Variants in AHRR observed in about 807,000 individuals in gnomAD.
AHRR encodes ahR repressor.
AHRR carries 28 observed loss-of-function variants against 44.0 expected under a neutral mutation model. The observed-to-expected ratio is 0.64, with a 90% CI of 0.47 to 0.87. The LOEUF is 0.87. Among genes scored for constraint, AHRR ranks in the 40% least tolerant of loss-of-function variants. AHRR has a pLI of 0.00. For missense variants in AHRR, 990 were observed against 953.9 expected, an observed-to-expected ratio of 1.04 and a Z score of -0.50; for synonymous variants, 434 against 407.0, an observed-to-expected ratio of 1.07 and a Z score of -0.80.
Position 404,375 on chromosome 5 carries a change from A to C in AHRR, c.352-8969A>C. The C allele has an allele frequency of 1.9e-6, 1 of 515,638 alleles. No individual in the cohort carries two copies. 31.9% of individuals were successfully genotyped at this position (515,638 alleles called of 1,614,324 possible). ...TTTTTCCTTCATTCTGGGTGTCTTC[A>C]GTGGTCCTAAAGCCTTTTGCATGAT... On this transcript the variant is annotated intron_variant, in intron 4 of 10. Coordinates refer to ENST00000684583, the MANE Select transcript of AHRR (RefSeq NM_001377236.1). This position sits in a 1 kb window ranked among gnomAD's most constrained non-coding sequence, Gnocchi z 4.1.
At chr5:427,420 A>T (rs1418799353) in intron 7 of AHRR, among the ~76,000 whole-genome samples, 2 of 103,364 alleles carry the variant, frequency 1.9e-5, no homozygotes, top group African/African-American at 8.0e-5. Context: ...GAGATCATCC[A>T]CTCCTGCGAA....
chr5:427,982 A>G lies in AHRR; in HGVS notation c.884A>G (p.Asp295Gly). ...CTCCTGAGGGCAAAACCCAGAGCAG[A>G]CACCGCAGCCACCGCGGATGCAAAG... ...SALLRAKPRA[D>G]TAATADAKVK... The change falls in exon 8 of 11, where the codon GAC (aspartate) becomes GGC (glycine). Residue 295 changes from aspartate to glycine, a missense_variant. Physicochemically the swap from Asp to Gly is moderately conservative, Grantham distance 94 (BLOSUM62 -1). Transcript: ENST00000684583. 1 of 1,613,966 alleles carries G rather than the reference A, an allele frequency of 6.2e-7. No homozygotes were observed. The highest frequency in any genetic ancestry group is 8.5e-7 in the Non-Finnish European group (1 of 1,180,028).
At position 388,317 on chromosome 5, in the gene AHRR, C is replaced by T. The variant is rs762461083; in HGVS notation, c.351+11601C>T. On this transcript the variant is annotated intron_variant, in intron 4 of 10. Coordinates refer to ENST00000684583, the MANE Select transcript of AHRR (RefSeq NM_001377236.1). This position sits in a 1 kb window ranked among gnomAD's most constrained non-coding sequence, Gnocchi z 5.2. ...CTGCTGTCGTACACAGGGCTCAGTG[C>T]GACTGCGCCTGGGGCTGCCCCAAGA... Among the ~76,000 whole-genome samples the T allele has an allele frequency of 1.3e-5, 2 of 152,228 alleles. No individual in the cohort carries two copies. Among genetic ancestry groups the T allele is most frequent in the African/African-American group, 4.8e-5 (2 of 41,460 alleles).
chr5:431,260 G>A (rs1156429146), intron 8 of AHRR, among the ~76,000 whole-genome samples: 2 of 152,226 alleles, frequency 1.3e-5, no homozygotes, highest in African/African-American at 2.4e-5. Context: ...CTCCTCCTGC[G>A]GCCTGGACGA....
Position 434,053 on chromosome 5 carries a change from C to T in AHRR, c.1313C>T (p.Pro438Leu), listed in dbSNP as rs1412228633. ...PMPRGSCLPCPCVQGTFRNSP... is the reference protein window; with the variant it reads ...PMPRGSCLPCLCVQGTFRNSP... The stretch of plus-strand genomic sequence containing the variant: ...CCCCGCGGCTCCTGCCTGCCCTGCC[C>T]GTGTGTCCAGGGCACTTTCAGGAAC... Residue 438 changes from proline (P) to leucine (L), a missense_variant, in exon 11 of 11, where the codon CCG (proline) becomes CTG (leucine). Coordinates refer to ENST00000684583, the MANE Select transcript of AHRR (RefSeq NM_001377236.1). The T allele has an allele frequency of 1.4e-5, 23 of 1,612,166 alleles. No individual in the cohort carries two copies. Among genetic ancestry groups the T allele is most frequent in the African/African-American group, 4.0e-5 (3 of 74,920 alleles).
chr5:376,552 A>ACC, intron 3 of AHRR, 58 bp from the exon 4 acceptor site: 1 of 1,409,244 alleles, frequency 7.1e-7, no homozygotes, highest in African/African-American at 1.5e-5. Context: ...ATGTGAATGA[A>ACC]GAAGAGTGGC....
chr5:413,837 C>T (rs189041998), intron 5 of AHRR, among the ~76,000 whole-genome samples: 14 of 152,300 alleles, frequency 9.2e-5, no homozygotes, highest in East Asian at 1.9e-4. Flanking sequence ...TCCTGACGTG[C>T]GAGTGGTTCA....
At position 326,919 on chromosome 5, in the gene AHRR, C is replaced by T. The variant is rs1257556860; in HGVS notation, c.-11+5100C>T. On this transcript the variant is annotated intron_variant, in intron 1 of 10. Transcript: ENST00000684583. The surrounding 1 kb of genome is among the most constrained non-coding windows in gnomAD (Gnocchi z 4.1). ...ACCAAAAATACAAAAATTAGCCAGG[C>T]GTGGTGGCACGCGCCTGTAGTCCCA... is the stretch of plus-strand genomic sequence containing the variant. Among the ~76,000 whole-genome samples the T allele has an allele frequency of 1.3e-5, 2 of 151,984 alleles. No individual in the cohort carries two copies. The highest frequency in any genetic ancestry group is 2.9e-5 in the Non-Finnish European group (2 of 67,984).
At chr5:386,356 C>T (rs906910514) in intron 4 of AHRR, among the ~76,000 whole-genome samples, 7 of 152,186 alleles carry the variant, frequency 4.6e-5, no homozygotes, top group African/African-American at 7.2e-5. Flanking sequence ...TGTCACTTTA[C>T]GTGGTAAAAG....
intron 8 of AHRR, 90 bp from the exon 9 acceptor site, chr5:432,373 A>T (rs532854063): frequency 7.7e-7 from 1 of 1,290,688 alleles, no homozygotes; most frequent in Non-Finnish European, 1.1e-6. Flanking sequence ...AATACCTGTC[A>T]TTATTAATTT....
At chr5:424,152 C>T (rs1267426686) in intron 7 of AHRR, among the ~76,000 whole-genome samples, 175 bp downstream of exon 7, 2 of 149,938 alleles carry the variant, frequency 1.3e-5, no homozygotes, top group African/African-American at 5.0e-5. Context: ...GGGTGTTAAC[C>T]CATGTGTCTC....
intron 1 of AHRR, among the ~76,000 whole-genome samples, chr5:332,304 G>C (rs1741950506): frequency 7.9e-6 from 1 of 126,106 alleles, no homozygotes; most frequent in Non-Finnish European, 1.6e-5. Context: ...GTCTCACTCT[G>C]TTGCCCAGGC....
chr5:414,996 C>T (rs980520719), intron 5 of AHRR, among the ~76,000 whole-genome samples: 1 of 152,246 alleles, frequency 6.6e-6, no homozygotes, highest in East Asian at 1.9e-4. Flanking sequence ...AAACCCCAGC[C>T]CCACTGAGGC....
rs757564795 is a variant in AHRR, at chr5:376,641, G to A, written c.276G>A (p.Ala92=). Residue 92 remains alanine, a synonymous_variant, in exon 4 of 11, where the codon GCG becomes GCA. Transcript: ENST00000684583. The part of the protein sequence containing the change: ...VVQEQSSRQP[A]AGAPSPGDSC... ...AGGAGCAGAGCTCACGGCAGCCTGC[G>A]GCCGGCGCCCCCTCGCCCGGAGACA... is the stretch of plus-strand genomic sequence containing the variant. The A allele has an allele frequency of 1.4e-5, 15 of 1,108,364 alleles. No individual in the cohort carries two copies. The highest frequency in any genetic ancestry group is 7.6e-5 in the South Asian group (4 of 52,424). The allele number at this position is 1,108,364 out of a possible 1,614,324, so 68.7% of individuals were successfully genotyped here.
At chr5:381,280 C>T (rs1273904310) in intron 4 of AHRR, among the ~76,000 whole-genome samples, 14 of 152,190 alleles carry the variant, frequency 9.2e-5, no homozygotes, top group Admixed American at 7.2e-4. Context: ...CCAATCCAAT[C>T]GACACTTGAA....
rs1349302718 is a variant in AHRR, at chr5:437,771, A to G, written c.*2937A>G. 2 of 152,408 alleles carry G rather than the reference A, an allele frequency of 1.3e-5. No individual in the cohort carries two copies. The highest frequency in any genetic ancestry group is 2.9e-5 in the Non-Finnish European group (2 of 68,054). The allele number at this position is 152,408 out of a possible 1,614,324, so 9.4% of individuals were successfully genotyped here. On this transcript the variant is annotated 3_prime_UTR_variant, in exon 11 of 11. Coordinates refer to ENST00000684583, the MANE Select transcript of AHRR (RefSeq NM_001377236.1). ...CGGTTTTGTGGTGTGGGGACCCTAC[A>G]GGAGGCTGCGGCCCTGAGAGCCTGG... is the stretch of plus-strand genomic sequence containing the variant.
In AHRR at chr5:423,938, C is replaced by T. The variant is rs756449494; in HGVS notation, c.669C>T (p.Cys223=). 20 of 1,601,966 alleles carry T rather than the reference C, an allele frequency of 1.2e-5. No individual in the cohort carries two copies. In the East Asian group the frequency reaches 2.5e-4, roughly 20 times the overall value. ...CCTTCCTGACCCGCTGCTTCATCTG[C>T]CGTGTGCGCTGCCTGCTGGACAGCA... ...YSAFLTRCFI[C]RVRCLLDSTS... Residue 223 remains cysteine, a synonymous_variant, in exon 7 of 11, where the codon TGC becomes TGT. Transcript: ENST00000684583.
intron 4 of AHRR, among the ~76,000 whole-genome samples, chr5:378,001 A>G (rs1192394213): frequency 1.3e-5 from 2 of 152,198 alleles, no homozygotes; most frequent in African/African-American, 4.8e-5. Context: ...GAGGTTGAGC[A>G]GTTCCCGAAG....
At chr5:376,504 T>C (rs1733654447) in intron 3 of AHRR, 106 bp from the exon 4 acceptor site, 5 of 1,190,230 alleles carry the variant, frequency 4.2e-6, no homozygotes, top group South Asian at 1.6e-5. Context: ...AGATGTCAGG[T>C]GAGAACCGTG....
Sources: allele counts gnomAD v4.1 joint callset (sites outside exome capture counted in the v4.1 genomes callset), GRCh38; gene constraint gnomAD v4.1.1; non-coding constraint Gnocchi (gnomAD v3.1); transcripts MANE v1.5; gene names NCBI Gene and HGNC (gene_info 2026-07-23, HGNC 2026-07-21).